The following TCF12 variants were observed in gnomAD, a reference collection of about 807,000 sequenced individuals.
TCF12 encodes the protein DNA-binding protein HTF4.
Under a neutral mutation model 86.0 loss-of-function variants are expected in TCF12, and 45 were observed. The ratio of observed to expected loss-of-function variants is 0.52; its 90% confidence interval spans 0.41 to 0.67. TCF12 has a LOEUF of 0.67. Ranked by LOEUF, TCF12 falls within the 30% of genes least tolerant of loss-of-function variation. The pLI, the probability that TCF12 is intolerant of heterozygous loss-of-function variation, is 0.00. For missense variants in TCF12, 881 were observed against 859.9 expected (o/e 1.02, Z -0.31); for synonymous variants, 330 against 299.6 (o/e 1.10, Z -1.05).
At chr15:57,068,677 T>C (rs1214909354) in intron 4 of TCF12, among the ~76,000 whole-genome samples, 2 of 152,126 alleles carry the variant, frequency 1.3e-5, no homozygotes, top group African/African-American at 4.8e-5. Flanking sequence ...TTAACTAGGC[T>C]GGGAGGTTGA....
intron 5 of TCF12, among the ~76,000 whole-genome samples, chr15:57,146,022 G>A (rs1306951717): frequency 6.6e-6 from 1 of 152,102 alleles, no homozygotes; most frequent in Admixed American, 6.5e-5. Flanking sequence ...ACTTTGAGTG[G>A]AGTTAAAAAA....
intron 8 of TCF12, 81 bp downstream of exon 8, chr15:57,197,906 TC>T: frequency 7.1e-7 from 1 of 1,402,232 alleles, no homozygotes. Context: ...AAGGGTACAT[TC>T]GATTGATGCG....
At chr15:57,189,874 A>G (rs1389821596) in intron 6 of TCF12, among the ~76,000 whole-genome samples, 1 of 152,250 alleles carries the variant, frequency 6.6e-6, no homozygotes, top group Non-Finnish European at 1.5e-5. Context: ...TTTGTGGTAT[A>G]GCCATACTAA....
At chr15:57,021,769 A>T (rs1345338790) in intron 3 of TCF12, among the ~76,000 whole-genome samples, 5 of 151,974 alleles carry the variant, frequency 3.3e-5, no homozygotes, top group African/African-American at 1.2e-4. Flanking sequence ...ACCAAGCGTG[A>T]ATCGAAAATA....
intron 5 of TCF12, among the ~76,000 whole-genome samples, chr15:57,098,740 A>G (rs750529318): frequency 6.6e-6 from 1 of 152,374 alleles, no homozygotes; most frequent in East Asian, 1.9e-4. Flanking sequence ...TATAAGTGAC[A>G]GAACCTAACT....
chr15:57,217,923 G>T (rs184761416), intron 8 of TCF12, among the ~76,000 whole-genome samples: 2 of 152,100 alleles, frequency 1.3e-5, no homozygotes, highest in Admixed American at 6.5e-5. Context: ...AAACCACTCC[G>T]CAGACTGGCA....
chr15:57,072,946 G>A (rs900175331), intron 4 of TCF12, among the ~76,000 whole-genome samples: 3 of 152,154 alleles, frequency 2.0e-5, no homozygotes, highest in Non-Finnish European at 2.9e-5. Context: ...AGAAAAAATT[G>A]GGTTGTGATG....
intron 6 of TCF12, among the ~76,000 whole-genome samples, chr15:57,172,543 C>G (rs2055589142): frequency 6.6e-6 from 1 of 152,096 alleles, no homozygotes; most frequent in African/African-American, 2.4e-5. Flanking sequence ...AGAGTATGTT[C>G]TCTGGACACA....
Position 56,986,259 on chromosome 15 carries a change from C to T in TCF12, c.148+65161C>T, listed in dbSNP as rs149094823. The stretch of plus-strand genomic sequence containing the variant: ...ATAAATTACCTTATATTGCTGCTTA[C>T]GTTTCTGGTTTTTGGTGTGTATGTT... On this transcript the variant is annotated intron_variant, in intron 3 of 20. Coordinates refer to ENST00000333725, the MANE Select transcript of TCF12 (RefSeq NM_207037.2). Among the ~76,000 whole-genome samples the T allele has an allele frequency of 2.6e-4, 39 of 152,188 alleles. 1 individual carries two copies. In the South Asian group the frequency reaches 6.6e-3, roughly 26 times the overall value.
chr15:57,051,657 G>C (rs1035642928), intron 3 of TCF12, among the ~76,000 whole-genome samples: 3 of 152,118 alleles, frequency 2.0e-5, no homozygotes, highest in Non-Finnish European at 2.9e-5. Flanking sequence ...GAAGACACTG[G>C]CTTTCTGCTT....
chr15:56,969,482 A>G (rs2062177105), intron 3 of TCF12, among the ~76,000 whole-genome samples: 2 of 151,192 alleles, frequency 1.3e-5, no homozygotes, highest in Admixed American at 6.6e-5. Context: ...TTTGAGACAT[A>G]TGATTCGGAA....
intron 3 of TCF12, among the ~76,000 whole-genome samples, chr15:57,015,398 C>G (rs1204755065): frequency 6.6e-6 from 1 of 152,226 alleles, no homozygotes; most frequent in Admixed American, 6.5e-5. Context: ...TCCCCATAAC[C>G]AATGATGGCC....
At chr15:57,157,097 C>T (rs1454003078) in intron 5 of TCF12, among the ~76,000 whole-genome samples, 1 of 152,108 alleles carries the variant, frequency 6.6e-6, no homozygotes, top group African/African-American at 2.4e-5. Context: ...CTTTCTTTTT[C>T]TTTGTTTTGG....
intron 3 of TCF12, among the ~76,000 whole-genome samples, chr15:56,985,022 ATCAG>A (rs1478438120): frequency 6.6e-6 from 1 of 152,240 alleles, no homozygotes; most frequent in Admixed American, 6.5e-5. Flanking sequence ...CAGGCCCTGA[ATCAG>A]TCAGAGGAAA....
At chr15:57,238,217 T>A (rs184470293) in intron 12 of TCF12, among the ~76,000 whole-genome samples, 1,759 of 152,254 alleles carry the variant, frequency 0.012, 33 homozygotes, top group African/African-American at 0.04. Context: ...TTTTTTTTTT[T>A]AAGTTTACAC....
At chr15:57,109,632 C>T (rs1398122851) in intron 5 of TCF12, among the ~76,000 whole-genome samples, 1 of 152,036 alleles carries the variant, frequency 6.6e-6, no homozygotes, top group African/African-American at 2.4e-5. Flanking sequence ...TTTATCTTAA[C>T]CTATTGTTGC....
At chr15:57,040,355 TA>T (rs2066815623) in intron 3 of TCF12, among the ~76,000 whole-genome samples, 1 of 152,224 alleles carries the variant, frequency 6.6e-6, no homozygotes, top group African/African-American at 2.4e-5. Flanking sequence ...TGGTAAAAAG[TA>T]AATTGATCTT....
At chr15:57,086,748 A>G (rs2048663507) in intron 4 of TCF12, among the ~76,000 whole-genome samples, 1 of 149,506 alleles carries the variant, frequency 6.7e-6, no homozygotes, top group Non-Finnish European at 1.5e-5. Context: ...GAATTGAAAA[A>G]TTTTTTAATA....
At chr15:57,089,875 C>T (rs950962287) in intron 4 of TCF12, among the ~76,000 whole-genome samples, 4 of 152,038 alleles carry the variant, frequency 2.6e-5, no homozygotes, top group African/African-American at 9.7e-5. Flanking sequence ...CCCAGATGTA[C>T]GTGAGATAGT....
Sources: allele counts gnomAD v4.1 joint callset (sites outside exome capture counted in the v4.1 genomes callset), GRCh38; gene constraint gnomAD v4.1.1; transcripts MANE v1.5; gene names NCBI Gene and HGNC (gene_info 2026-07-23, HGNC 2026-07-21).